The following SLIT1 variants were observed in gnomAD, a reference collection of about 807,000 sequenced individuals.
The protein encoded by SLIT1 is slit guidance ligand 1, also known as slit homolog 1 protein.
Under a neutral mutation model 186.1 loss-of-function variants are expected in SLIT1, and 66 were observed. The observed-to-expected ratio is 0.35, with a 90% CI of 0.29 to 0.44. The LOEUF is 0.44. Among genes scored for constraint, SLIT1 ranks in the 20% least tolerant of loss-of-function variants. The pLI is 1.00. For missense variants in SLIT1, 1,638 were observed against 2,037.4 expected (o/e 0.80, Z 3.77); for synonymous variants, 761 against 833.8 (o/e 0.91, Z 1.50).
At chr10:97,042,608 T>G (rs758996391) in intron 20 of SLIT1, among the ~76,000 whole-genome samples, 7 of 152,172 alleles carry the variant, frequency 4.6e-5, no homozygotes, top group Non-Finnish European at 8.8e-5. Context: ...TACACTAAAA[T>G]GGGAACTGTT....
At chr10:97,132,804 G>A (rs1242317692) in intron 4 of SLIT1, among the ~76,000 whole-genome samples, 2 of 152,084 alleles carry the variant, frequency 1.3e-5, no homozygotes. Context: ...GGGCCGGTGG[G>A]GCCAGCACTC....
chr10:97,006,063 G>A lies in SLIT1; in HGVS notation c.3579+420C>T, dbSNP rs1290513724. On this transcript the variant is annotated intron_variant, in intron 32 of 36. Coordinates refer to ENST00000266058, the MANE Select transcript of SLIT1 (RefSeq NM_003061.3). This position sits in a 1 kb window ranked among gnomAD's most constrained non-coding sequence, Gnocchi z 4.0. ...AAGATGTTCTGAGATGGAACTGAAG[G>A]CATGAAAAGGATGAGTTAAGGGACC... Among the ~76,000 whole-genome samples the A allele has an allele frequency of 2.6e-5, 4 of 152,128 alleles. No individual in the cohort carries two copies. Among genetic ancestry groups the A allele is most frequent in the Non-Finnish European group, 5.9e-5 (4 of 68,014 alleles).
chr10:97,099,067 C>T (rs925293441), intron 4 of SLIT1, among the ~76,000 whole-genome samples: 2 of 151,952 alleles, frequency 1.3e-5, no homozygotes, highest in Non-Finnish European at 2.9e-5. Context: ...ACCTGGTTCT[C>T]AGTGCCCCTC....
rs140987706 is a variant in SLIT1 at position 97,019,525 on chromosome 10, G to T, written c.2747-418C>A. On this transcript the variant is annotated intron_variant, in intron 26 of 36. Transcript: ENST00000266058. ...CATCCTGACACCTGCTGACTAGGAG[G>T]ACAGAAGGTGGTCACCTCGGCAGAG... Among the ~76,000 whole-genome samples, 1,148 of 152,314 alleles carry T rather than the reference G, an allele frequency of 7.5e-3. 47 individuals carry two copies. The highest frequency in any genetic ancestry group is 0.07 in the Admixed American group (1,075 of 15,298).
At chr10:97,003,820 G>A (rs867734453) in intron 34 of SLIT1, among the ~76,000 whole-genome samples, 9 of 152,192 alleles carry the variant, frequency 5.9e-5, no homozygotes, top group Non-Finnish European at 1.2e-4. Flanking sequence ...CAGATAGCTC[G>A]GACAGTCCCA....
At chr10:97,125,241 C>T (rs1249939314) in intron 4 of SLIT1, among the ~76,000 whole-genome samples, 1 of 152,042 alleles carries the variant, frequency 6.6e-6, no homozygotes, top group East Asian at 1.9e-4. Flanking sequence ...TATGAGAACA[C>T]AGAGTCAGAC....
intron 4 of SLIT1, among the ~76,000 whole-genome samples, chr10:97,089,233 A>C (rs1169788416): frequency 6.6e-6 from 1 of 152,218 alleles, no homozygotes; most frequent in Non-Finnish European, 1.5e-5. Context: ...ACAGAAGTGA[A>C]AGAAGAAAAA....
chr10:97,100,458 T>C (rs948669176), intron 4 of SLIT1, among the ~76,000 whole-genome samples: 4 of 151,720 alleles, frequency 2.6e-5, no homozygotes, highest in African/African-American at 9.7e-5. Flanking sequence ...ACGCTGTCTC[T>C]ACAAAAAATA....
At position 97,041,542 on chromosome 10, in the gene SLIT1, G is replaced by A. The variant is rs377708477; in HGVS notation, c.2164+1359C>T. Among the ~76,000 whole-genome samples the A allele has an allele frequency of 1.4e-4, 21 of 151,906 alleles. No homozygotes were observed. In the East Asian group the frequency reaches 2.7e-3, roughly 20 times the overall value. On this transcript the variant is annotated intron_variant, in intron 20 of 36. Transcript: ENST00000266058. Reference sequence around the variant, plus strand: ...GCTGGAGTGCAACGGTGTGATCTCGGCTCACTGCAACCTCCACCTCCCAAA... The same window carrying A: ...GCTGGAGTGCAACGGTGTGATCTCGACTCACTGCAACCTCCACCTCCCAAA...
At chr10:97,042,171 G>A (rs1320202657) in intron 20 of SLIT1, among the ~76,000 whole-genome samples, 1 of 152,164 alleles carries the variant, frequency 6.6e-6, no homozygotes, top group Non-Finnish European at 1.5e-5. Context: ...CCAGCTGAGG[G>A]TGGAGCTGCC....
At chr10:97,151,048 C>T (rs1849872011) in intron 4 of SLIT1, among the ~76,000 whole-genome samples, 1 of 152,134 alleles carries the variant, frequency 6.6e-6, no homozygotes, top group South Asian at 2.1e-4. Flanking sequence ...CCTGCCCCCA[C>T]CCACTCCAAT....
At chr10:97,171,189 C>T (rs1850183265) in intron 1 of SLIT1, among the ~76,000 whole-genome samples, 1 of 152,192 alleles carries the variant, frequency 6.6e-6, no homozygotes. Context: ...TGTGCAGAGT[C>T]AGACGGGGAA....
intron 11 of SLIT1, chr10:97,057,904 G>C (rs1848855835): frequency 4.3e-6 from 3 of 696,188 alleles, no homozygotes; most frequent in Non-Finnish European, 8.1e-6. Context: ...TGGGGAGGGG[G>C]GTTGTATGCC....
chr10:97,125,199 A>G (rs1004111617), intron 4 of SLIT1, among the ~76,000 whole-genome samples: 1 of 152,188 alleles, frequency 6.6e-6, no homozygotes, highest in Non-Finnish European at 1.5e-5. Flanking sequence ...TACCACCTCC[A>G]TTTCTAGGAG....
chr10:97,043,537 G>C lies in SLIT1; in HGVS notation c.1854-24C>G. 2 of 1,605,290 alleles carry C rather than the reference G, an allele frequency of 1.2e-6. No individual in the cohort carries two copies. The highest frequency in any genetic ancestry group is 8.5e-7 in the Non-Finnish European group (1 of 1,174,500). On this transcript the variant is annotated intron_variant, in intron 18 of 36. Transcript: ENST00000266058. This position sits in a 1 kb window ranked among gnomAD's most constrained non-coding sequence, Gnocchi z 7.0. ...TTCTGGGGAGGAACGGGGGAGGGAG[G>C]AGGGGACCCTTGCTGCCCTGCCAGC...
chr10:97,129,124 G>A (rs376496357), intron 4 of SLIT1, among the ~76,000 whole-genome samples: 6 of 152,162 alleles, frequency 3.9e-5, no homozygotes, highest in South Asian at 2.1e-4. Flanking sequence ...TAATATGGCC[G>A]GGTGCGGTGG....
rs576269322 is a variant in SLIT1 at position 97,060,521 on chromosome 10, C to T, written c.941+119G>A. On this transcript the variant is annotated intron_variant, in intron 9 of 36. Transcript: ENST00000266058. Reference sequence around the variant, plus strand: ...GCAGAGGCAAACTGTGTCTTCTCTACGGCCACTGAGGGGTTGGGGCAAGCC... The same window carrying T: ...GCAGAGGCAAACTGTGTCTTCTCTATGGCCACTGAGGGGTTGGGGCAAGCC... 697 of 1,240,668 alleles carry T rather than the reference C, an allele frequency of 5.6e-4. 4 individuals are homozygous for T. The highest frequency in any genetic ancestry group is 1.6e-3 in the African/African-American group (107 of 67,132). The allele number at this position is 1,240,668 out of a possible 1,614,324, so 76.9% of individuals were successfully genotyped here.
intron 2 of SLIT1, 126 bp from the exon 3 acceptor site, chr10:97,163,577 G>A: frequency 1.3e-6 from 1 of 783,372 alleles, no homozygotes; most frequent in East Asian, 2.4e-5. Flanking sequence ...TAAGACAGGA[G>A]CCATGCCCAA....
At position 97,066,040 on chromosome 10, in the gene SLIT1, G is replaced by T; in HGVS notation, c.460C>A (p.Arg154=). The change falls in exon 5 of 37, where the codon CGG becomes AGG. Residue 154 remains arginine (R), a synonymous_variant. Coordinates refer to ENST00000266058, the MANE Select transcript of SLIT1 (RefSeq NM_003061.3). ...AAATTTTTAAGGTCCGTAGCTCCCC[G>T]AAAAGCTTTCCTGGGGATGGCCTGG... ...AIQAIPRKAF[R]GATDLKNLQL... is the part of the protein sequence containing the mutation. 6.2e-7 allele frequency: 1 copy of T among 1,605,984 alleles called. No individual in the cohort carries two copies.
Sources: allele counts gnomAD v4.1 joint callset (sites outside exome capture counted in the v4.1 genomes callset), GRCh38; gene constraint gnomAD v4.1.1; non-coding constraint Gnocchi (gnomAD v3.1); transcripts MANE v1.5; gene names NCBI Gene and HGNC (gene_info 2026-07-23, HGNC 2026-07-21).